NTM: variants seen among roughly 807,000 people sequenced by gnomAD.
NTM encodes neurotrimin, also known as IgLON family member 2.
NTM carries 13 observed loss-of-function variants against 42.1 expected under a neutral mutation model. That is an observed-to-expected ratio of 0.31 (90% CI 0.20 to 0.49). The LOEUF is 0.49. Among genes scored for constraint, NTM ranks in the 20% least tolerant of loss-of-function variants. The pLI, the probability that NTM is intolerant of heterozygous loss-of-function variation, is 0.99. For missense variants in NTM, 373 were observed against 452.8 expected, an observed-to-expected ratio of 0.82 and a Z score of 1.60; for synonymous variants, 187 against 179.2, an observed-to-expected ratio of 1.04 and a Z score of -0.35.
chr11:131,601,279 G>T (rs1198300042), intron 1 of NTM, among the ~76,000 whole-genome samples: 1 of 152,172 alleles, frequency 6.6e-6, no homozygotes, highest in African/African-American at 2.4e-5. Flanking sequence ...GAGGCAGAAG[G>T]AGCATGATGG....
chr11:131,556,000 C>G (rs185564728), intron 1 of NTM, among the ~76,000 whole-genome samples: 7 of 152,272 alleles, frequency 4.6e-5, no homozygotes, highest in Admixed American at 4.6e-4. Flanking sequence ...TCCAAGGGAA[C>G]AGAGTCAATG....
chr11:131,782,693 T>C (rs1404253350), intron 1 of NTM, among the ~76,000 whole-genome samples: 1 of 152,124 alleles, frequency 6.6e-6, no homozygotes, highest in Admixed American at 6.6e-5. Flanking sequence ...TGGTTTAACA[T>C]TTAAAAAGCA....
At chr11:131,530,009 C>T (rs578189423) in intron 1 of NTM, among the ~76,000 whole-genome samples, 133 of 152,238 alleles carry the variant, frequency 8.7e-4, no homozygotes, top group Non-Finnish European at 1.5e-3. Flanking sequence ...ACTGGGTATT[C>T]GTTTACTCTA....
intron 1 of NTM, among the ~76,000 whole-genome samples, chr11:131,425,783 T>C (rs1275267822): frequency 6.6e-6 from 1 of 152,138 alleles, no homozygotes; most frequent in East Asian, 1.9e-4. Flanking sequence ...ATAAAGAGTT[T>C]GGGGGTAGAA....
intron 2 of NTM, among the ~76,000 whole-genome samples, chr11:131,989,675 A>G (rs558690847): frequency 3.8e-4 from 58 of 151,892 alleles, no homozygotes; most frequent in Admixed American, 7.2e-4. Flanking sequence ...TCAGTAGCTT[A>G]CAACAAAGGT....
intron 4 of NTM, among the ~76,000 whole-genome samples, chr11:132,278,887 T>A (rs1049555649): frequency 2.6e-5 from 4 of 152,090 alleles, no homozygotes; most frequent in African/African-American, 9.7e-5. Context: ...CCCGCAGCTA[T>A]AACTTACACC....
At chr11:131,977,019 AC>A (rs10719540) in intron 2 of NTM, among the ~76,000 whole-genome samples, 21,152 of 152,214 alleles carry the variant, frequency 0.14, 1,722 homozygotes, top group South Asian at 0.2. Context: ...GACCAGCCCC[AC>A]CAGTCCTAGA....
intron 2 of NTM, among the ~76,000 whole-genome samples, chr11:132,134,735 A>C (rs112789744): frequency 5.2e-5 from 4 of 76,680 alleles, no homozygotes; most frequent in Non-Finnish European, 9.8e-5. Context: ...ATATATATAT[A>C]TATATATATA....
chr11:131,832,153 C>G (rs368914652), intron 1 of NTM, among the ~76,000 whole-genome samples: 1 of 147,572 alleles, frequency 6.8e-6, no homozygotes, highest in South Asian at 2.2e-4. Flanking sequence ...CAAAAGCAAG[C>G]ATAAACACTT....
chr11:131,747,885 A>T (rs1216226937), intron 1 of NTM, among the ~76,000 whole-genome samples: 2 of 152,124 alleles, frequency 1.3e-5, no homozygotes, highest in Non-Finnish European at 2.9e-5. Flanking sequence ...TGATCCCAGG[A>T]ATGTCTCCAC....
chr11:131,495,995 G>A (rs1343397978), intron 1 of NTM, among the ~76,000 whole-genome samples: 5 of 152,196 alleles, frequency 3.3e-5, no homozygotes, highest in Admixed American at 1.3e-4. Flanking sequence ...CAACTCTGCC[G>A]AACTTGAGAT....
chr11:132,207,762 T>C (rs923967079), intron 3 of NTM, among the ~76,000 whole-genome samples: 8 of 152,208 alleles, frequency 5.3e-5, no homozygotes, highest in Admixed American at 1.3e-4. Flanking sequence ...TCTCTCCAGA[T>C]ATGATTAATT....
In NTM at chr11:131,611,117, A is replaced by G. The variant is rs113801231; in HGVS notation, c.82+240229A>G. ...AACATCCATCTCTGAGTGTAGGAAG[A>G]GGCATCGGGGACCAAGGAAGCTGAA... is the stretch of plus-strand genomic sequence containing the variant. On this transcript the variant is annotated intron_variant, in intron 1 of 8. Transcript: ENST00000683400. Among the ~76,000 whole-genome samples, 208 of 152,244 alleles carry G rather than the reference A, an allele frequency of 1.4e-3. 2 individuals carry two copies. The highest frequency in any genetic ancestry group is 4.9e-3 in the African/African-American group (204 of 41,544).
At position 131,563,332 on chromosome 11, in the gene NTM, GA is replaced by G. The variant is rs111558715; in HGVS notation, c.82+192452del. Reference sequence around the variant, plus strand: ...CTCCAAGTAATTTATCGGGTAGTGGGAAAAAAAATTACCATTTGTCAAGGAC... The same window carrying G: ...CTCCAAGTAATTTATCGGGTAGTGGGAAAAAAATTACCATTTGTCAAGGAC... On this transcript the variant is annotated intron_variant, in intron 1 of 8. Transcript: ENST00000683400. Among the ~76,000 whole-genome samples, 18 of 152,040 alleles carry G rather than the reference GA, an allele frequency of 1.2e-4. No homozygotes were observed. In the South Asian group the frequency reaches 1.5e-3, roughly 12 times the overall value.
At chr11:131,686,919 C>T (rs992122452) in intron 1 of NTM, among the ~76,000 whole-genome samples, 2 of 152,188 alleles carry the variant, frequency 1.3e-5, no homozygotes, top group African/African-American at 4.8e-5. Context: ...AATCATAACC[C>T]AGACTTGACC....
intron 3 of NTM, among the ~76,000 whole-genome samples, chr11:132,187,814 G>A (rs1272754215): frequency 6.6e-6 from 1 of 152,172 alleles, no homozygotes; most frequent in East Asian, 1.9e-4. Flanking sequence ...AACAAGTGAG[G>A]TTCAGAGCAA....
intron 1 of NTM, among the ~76,000 whole-genome samples, chr11:131,833,130 T>C (rs1527781): frequency 0.79 from 120,127 of 152,110 alleles, 47,798 homozygotes; most frequent in East Asian, 0.86. Flanking sequence ...TGTATCGTTC[T>C]GACCACATAT....
At chr11:131,657,216 C>T (rs564355890) in intron 1 of NTM, among the ~76,000 whole-genome samples, 11 of 151,372 alleles carry the variant, frequency 7.3e-5, no homozygotes, top group East Asian at 1.9e-4. Flanking sequence ...CAGCATCAAG[C>T]GCTGGCCCAG....
intron 1 of NTM, among the ~76,000 whole-genome samples, chr11:131,816,821 AGGTCAAG>A (rs1383842967): frequency 6.8e-6 from 1 of 147,758 alleles, no homozygotes; most frequent in Non-Finnish European, 1.5e-5. Flanking sequence ...TTGAGGTTTT[AGGTCAAG>A]GGTCCATACT....
Sources: allele counts gnomAD v4.1 joint callset (sites outside exome capture counted in the v4.1 genomes callset), GRCh38; gene constraint gnomAD v4.1.1; transcripts MANE v1.5; gene names NCBI Gene and HGNC (gene_info 2026-07-23, HGNC 2026-07-21).